Variants in SV2B observed in about 807,000 individuals in gnomAD.
SV2B encodes the protein solute carrier family 22 member B2.
Under a neutral mutation model 73.9 loss-of-function variants are expected in SV2B, and 41 were observed. The observed-to-expected ratio is 0.56, with a 90% CI of 0.43 to 0.72. SV2B has a LOEUF of 0.72. Ranked by LOEUF, SV2B falls within the 30% of genes least tolerant of loss-of-function variation. SV2B has a pLI of 0.00. For missense variants in SV2B, 764 were observed against 857.8 expected (o/e 0.89, Z 1.37); for synonymous variants, 314 against 314.2 (o/e 1.00, Z 0.01).
At chr15:91,159,515 G>A (rs1447912361) in intron 1 of SV2B, among the ~76,000 whole-genome samples, 7 of 152,136 alleles carry the variant, frequency 4.6e-5, no homozygotes, top group Non-Finnish European at 1.5e-5. Flanking sequence ...ATTCAGCAAT[G>A]ATTTTTGATA....
intron 1 of SV2B, among the ~76,000 whole-genome samples, chr15:91,189,690 C>G (rs1440430037): frequency 6.6e-6 from 1 of 152,146 alleles, no homozygotes; most frequent in Non-Finnish European, 1.5e-5. Flanking sequence ...CTGGTTCACT[C>G]CTTTTAGAAA....
At chr15:91,287,580 C>A (rs2048902117) in intron 11 of SV2B, among the ~76,000 whole-genome samples, 2 of 152,186 alleles carry the variant, frequency 1.3e-5, no homozygotes, top group African/African-American at 4.8e-5. Flanking sequence ...ATGGGATCTC[C>A]TATCAGCTCT....
intron 1 of SV2B, among the ~76,000 whole-genome samples, chr15:91,208,933 T>C (rs1209815751): frequency 6.6e-6 from 1 of 152,116 alleles, no homozygotes; most frequent in Non-Finnish European, 1.5e-5. Context: ...TGGCTTCAGT[T>C]GTGCAGGAAT....
In SV2B at chr15:91,214,567, G is replaced by C. The variant is rs956693836; in HGVS notation, c.-391-11306G>C. ...GTTCAGAAACCTGCTCTGATTCACA[G>C]AACTTGCGAATGGCAGAGCTGGTAT... On this transcript the variant is annotated intron_variant, in intron 1 of 12. Coordinates refer to ENST00000394232, the MANE Select transcript of SV2B (RefSeq NM_001323032.3). This position sits in a 1 kb window ranked among gnomAD's most constrained non-coding sequence, Gnocchi z 4.7. 1.3e-5 allele frequency among the ~76,000 whole-genome samples: 2 copies of C among 152,198 alleles called. No homozygotes were observed. Among genetic ancestry groups the C allele is most frequent in the African/African-American group, 4.8e-5 (2 of 41,440 alleles).
In SV2B at chr15:91,106,367, T is replaced by C. The variant is rs941557512; in HGVS notation, c.-392+6004T>C. On this transcript the variant is annotated intron_variant, in intron 1 of 12. Transcript: ENST00000394232. The surrounding 1 kb of genome is among the most constrained non-coding windows in gnomAD (Gnocchi z 4.4). The stretch of plus-strand genomic sequence containing the variant: ...TTCCGTGAGCCAAGTCACTGCTGTA[T>C]CACTAGTGCCCAGAATATTGTCTGG... Among the ~76,000 whole-genome samples, 1 of 152,248 alleles carries C rather than the reference T, an allele frequency of 6.6e-6. No homozygotes were observed. Among genetic ancestry groups the C allele is most frequent in the Non-Finnish European group, 1.5e-5 (1 of 68,036 alleles).
chr15:91,135,363 G>A lies in SV2B; in HGVS notation c.-392+35000G>A, dbSNP rs138335046. 4.5e-3 allele frequency among the ~76,000 whole-genome samples: 681 copies of A among 152,124 alleles called. 4 individuals are homozygous for A. The highest frequency in any genetic ancestry group is 0.016 in the African/African-American group (646 of 41,498). The stretch of plus-strand genomic sequence containing the variant: ...TCAGCATGAATCTTTCACTCTTCCC[G>A]CTTCACCTCAGATTCTCCCGTGTCG... On this transcript the variant is annotated intron_variant, in intron 1 of 12. Coordinates refer to ENST00000394232, the MANE Select transcript of SV2B (RefSeq NM_001323032.3).
rs759631076 is a variant in SV2B at position 91,136,783 on chromosome 15, G to A, written c.-392+36420G>A. Among the ~76,000 whole-genome samples, 11 of 152,148 alleles carry A rather than the reference G, an allele frequency of 7.2e-5. No individual in the cohort carries two copies. Among genetic ancestry groups the A allele is most frequent in the Non-Finnish European group, 1.3e-4 (9 of 68,030 alleles). On this transcript the variant is annotated intron_variant, in intron 1 of 12. Coordinates refer to ENST00000394232, the MANE Select transcript of SV2B (RefSeq NM_001323032.3). The surrounding 1 kb of genome is among the most constrained non-coding windows in gnomAD (Gnocchi z 5.6). Reference sequence around the variant, plus strand: ...TTGACCAGCTCTCCTGCTGTGCCAAGAGGCATCTGAAGGCTGGCACATGGG... The same window carrying A: ...TTGACCAGCTCTCCTGCTGTGCCAAAAGGCATCTGAAGGCTGGCACATGGG...
intron 11 of SV2B, among the ~76,000 whole-genome samples, chr15:91,287,405 T>C (rs369481072): frequency 1.3e-5 from 2 of 152,346 alleles, no homozygotes; most frequent in East Asian, 3.9e-4. Context: ...ACCTGCTTCC[T>C]TCCCACCTTT....
At chr15:91,131,017 G>A (rs1408702514) in intron 1 of SV2B, among the ~76,000 whole-genome samples, 1 of 151,986 alleles carries the variant, frequency 6.6e-6, no homozygotes, top group African/African-American at 2.4e-5. Flanking sequence ...GCTACGCTGT[G>A]GAGGGAGAGG....
chr15:91,107,172 T>C (rs9672566), intron 1 of SV2B, among the ~76,000 whole-genome samples: 85,200 of 151,850 alleles, frequency 0.56, 24,906 homozygotes, highest in African/African-American at 0.65. Flanking sequence ...GAGAAAGAGA[T>C]GCAAGCTGCC....
chr15:91,127,830 GTTTGCCAGAA>G (rs1335517566), intron 1 of SV2B, among the ~76,000 whole-genome samples: 1 of 152,124 alleles, frequency 6.6e-6, no homozygotes, highest in African/African-American at 2.4e-5. Context: ...AGTCCCAGGG[GTTTGCCAGAA>G]TTTCTGTGCT....
At position 91,190,370 on chromosome 15, in the gene SV2B, G is replaced by A. The variant is rs140285286; in HGVS notation, c.-391-35503G>A. Among the ~76,000 whole-genome samples the A allele has an allele frequency of 7.5e-5, 11 of 146,938 alleles. No homozygotes were observed. The East Asian group carries it at 2.2e-3, about 30-fold the overall frequency. On this transcript the variant is annotated intron_variant, in intron 1 of 12. Transcript: ENST00000394232. ...CTTTATTTCTTTTTCTTGCATAATT[G>A]TCTTCTTGAGGACCTCCAGTACTAT...
chr15:91,256,751 G>C (rs545623133), intron 4 of SV2B, among the ~76,000 whole-genome samples: 1 of 152,308 alleles, frequency 6.6e-6, no homozygotes, highest in South Asian at 2.1e-4. Flanking sequence ...AGGTGTCCAA[G>C]GGACCACAGT....
At position 91,100,691 on chromosome 15, in the gene SV2B, A is replaced by G. The variant is rs1372968423; in HGVS notation, c.-392+328A>G. On this transcript the variant is annotated intron_variant, in intron 1 of 12. Transcript: ENST00000394232. This position sits in a 1 kb window ranked among gnomAD's most constrained non-coding sequence, Gnocchi z 6.4. ...TGCTGGCATTTATAGCTCCGTTTCC[A>G]TAAGCTTCCTAGCCGCTGCTTTTAG... is the stretch of plus-strand genomic sequence containing the variant. Among the ~76,000 whole-genome samples the G allele has an allele frequency of 6.6e-6, 1 of 152,224 alleles. No individual in the cohort carries two copies. The highest frequency in any genetic ancestry group is 1.9e-4 in the East Asian group (1 of 5,202).
At chr15:91,255,756 C>T (rs1555491832) in intron 4 of SV2B, among the ~76,000 whole-genome samples, 1 of 152,148 alleles carries the variant, frequency 6.6e-6, no homozygotes, top group Non-Finnish European at 1.5e-5. Context: ...TTGAAACAGG[C>T]GTTCACTTGG....
intron 2 of SV2B, among the ~76,000 whole-genome samples, chr15:91,250,295 C>T (rs561702756): frequency 1.3e-5 from 2 of 152,202 alleles, no homozygotes; most frequent in Admixed American, 6.5e-5. Context: ...GCAGAAAAAG[C>T]ATTTGACAAA....
chr15:91,287,094 A>G (rs2048885280), intron 11 of SV2B, among the ~76,000 whole-genome samples: 1 of 152,080 alleles, frequency 6.6e-6, no homozygotes, highest in African/African-American at 2.4e-5. Flanking sequence ...CCCCTGTTCT[A>G]GTTCTCTCCT....
chr15:91,294,256 T>C lies in SV2B; in HGVS notation c.*1704T>C, dbSNP rs2049144242. On this transcript the variant is annotated 3_prime_UTR_variant, in exon 13 of 13. Coordinates refer to ENST00000394232, the MANE Select transcript of SV2B (RefSeq NM_001323032.3). The surrounding 1 kb of genome is among the most constrained non-coding windows in gnomAD (Gnocchi z 4.1). ...CTATGATAGCTTCGGGACATCTTTC[T>C]GTAATTTTCCTCAATTAACGGGTTG... 2 of 152,240 alleles carry C rather than the reference T, an allele frequency of 1.3e-5. No individual in the cohort carries two copies. The highest frequency in any genetic ancestry group is 2.9e-5 in the Non-Finnish European group (2 of 68,036). The allele number at this position is 152,240 out of a possible 1,614,324, so 9.4% of individuals were successfully genotyped here.
intron 1 of SV2B, among the ~76,000 whole-genome samples, chr15:91,113,348 C>T (rs1032625102): frequency 3.9e-5 from 6 of 152,146 alleles, no homozygotes; most frequent in Admixed American, 2.0e-4. Context: ...ATCTCAAGTG[C>T]GAGAAATAAA....
Sources: allele counts gnomAD v4.1 joint callset (sites outside exome capture counted in the v4.1 genomes callset), GRCh38; gene constraint gnomAD v4.1.1; non-coding constraint Gnocchi (gnomAD v3.1); transcripts MANE v1.5; gene names NCBI Gene and HGNC (gene_info 2026-07-23, HGNC 2026-07-21).